GIT1: variants seen among roughly 807,000 people sequenced by gnomAD.
The protein encoded by GIT1 is ARF GTPase-activating protein GIT1.
A neutral mutation model predicts 91.7 loss-of-function variants in GIT1; 14 were observed. The ratio of observed to expected loss-of-function variants is 0.15; its 90% CI spans 0.10 to 0.24. The LOEUF is 0.24. GIT1 is among the 10% of genes least tolerant of loss of function. The pLI is 1.00. For missense variants in GIT1, 717 were observed against 1,024.9 expected (o/e 0.70, Z 4.10); for synonymous variants, 414 against 418.2 (o/e 0.99, Z 0.12).
chr17:29,576,582 C>G lies in GIT1; in HGVS notation c.1320G>C (p.Val440=). 1 of 1,614,104 alleles carries G rather than the reference C, an allele frequency of 6.2e-7. No homozygotes were observed. Among genetic ancestry groups the G allele is most frequent in the Non-Finnish European group, 8.5e-7 (1 of 1,180,024 alleles). The change falls in exon 13 of 20, where the codon GTG becomes GTC. Residue 440 remains valine (V), a synonymous_variant. Transcript: ENST00000225394. The part of the protein sequence containing the change: ...KKALATSEAK[V]QQLMKVNSSL... ...TACTGTTGACCTTCATGAGCTGCTGCACCTTTGCCTCCGATGTAGCCAGGG... is the reference window on the plus strand; with the variant it reads ...TACTGTTGACCTTCATGAGCTGCTGGACCTTTGCCTCCGATGTAGCCAGGG...
intron 14 of GIT1, 31 bp downstream of exon 14, chr17:29,576,189 C>A: frequency 6.2e-7 from 1 of 1,608,672 alleles, no homozygotes; most frequent in Non-Finnish European, 8.5e-7. Context: ...CCACCCATCT[C>A]CCCACACCTT....
At chr17:29,583,339 G>T in intron 2 of GIT1, 144 bp downstream of exon 2, 1 of 788,336 alleles carries the variant, frequency 1.3e-6, no homozygotes, top group Non-Finnish European at 2.0e-6. Flanking sequence ...GAAAGGGTCA[G>T]GATTAGCCTC....
At position 29,575,235 on chromosome 17, in the gene GIT1, C is replaced by A; in HGVS notation, c.2009+53G>T. The A allele has an allele frequency of 6.3e-7, 1 of 1,575,926 alleles. No homozygotes were observed. The highest frequency in any genetic ancestry group is 8.7e-7 in the Non-Finnish European group (1 of 1,155,252). On this transcript the variant is annotated intron_variant, in intron 18 of 19. Coordinates refer to ENST00000225394, the MANE Select transcript of GIT1 (RefSeq NM_014030.4). The surrounding 1 kb of genome is among the most constrained non-coding windows in gnomAD (Gnocchi z 5.5). ...AGGGCCCCTCATGCTCTCTGCAACA[C>A]CCTAGAAGCCAACAGGAACTGCATC...
At position 29,589,379 on chromosome 17, in the gene GIT1, C is replaced by A; in HGVS notation, c.-1G>T. 1 of 1,064,176 alleles carries A rather than the reference C, an allele frequency of 9.4e-7. No individual in the cohort carries two copies. Among genetic ancestry groups the A allele is most frequent in the South Asian group, 2.7e-5 (1 of 36,842 alleles). 65.9% of individuals were successfully genotyped at this position (1,064,176 alleles called of 1,614,324 possible). On this transcript the variant is annotated 5_prime_UTR_variant, in exon 1 of 20. Coordinates refer to ENST00000225394, the MANE Select transcript of GIT1 (RefSeq NM_014030.4). This position sits in a 1 kb window ranked among gnomAD's most constrained non-coding sequence, Gnocchi z 5.2. ...CCGCTCGCGGCCCCTTTCGGGACATCCTCAGCGGCGACGCGGCCGCAGCCC... is the reference window on the plus strand; with the variant it reads ...CCGCTCGCGGCCCCTTTCGGGACATACTCAGCGGCGACGCGGCCGCAGCCC...
Position 29,574,750 on chromosome 17 carries a change from C to T in GIT1, c.2238G>A (p.Lys746=). The T allele has an allele frequency of 1.2e-6, 2 of 1,613,648 alleles. No individual in the cohort carries two copies. The highest frequency in any genetic ancestry group is 1.7e-6 in the Non-Finnish European group (2 of 1,179,932). The change falls in exon 20 of 20, where the codon AAG becomes AAA. Residue 746 remains lysine (K), a synonymous_variant. Coordinates refer to ENST00000225394, the MANE Select transcript of GIT1 (RefSeq NM_014030.4). ...TGATGGTGACCAGCTGCTTGGCAGC[C>T]TTGGCGATGTCATAGGCGCACTGGA... ...QVIQCAYDIA[K]AAKQLVTITT...
At position 29,582,943 on chromosome 17, in the gene GIT1, T is replaced by A. The variant is rs755072826; in HGVS notation, c.281A>T (p.Asn94Ile). ...CACTCACTGGACTTTGTCTTGGGGG[T>A]TGGCTTTACGCCGGCCGCTCTGCAC... ...AQVQSGRRKA[N>I]PQDKVHPIKS... Residue 94 changes from asparagine to isoleucine, a missense_variant, in exon 3 of 20, where the codon AAC (asparagine) becomes ATC (isoleucine). Transcript: ENST00000225394. The A allele has an allele frequency of 6.2e-7, 1 of 1,610,762 alleles. No homozygotes were observed. The highest frequency in any genetic ancestry group is 1.1e-5 in the South Asian group (1 of 91,024).
intron 7 of GIT1, 31 bp from the exon 8 acceptor site, chr17:29,578,810 G>T: frequency 6.2e-7 from 1 of 1,609,642 alleles, no homozygotes; most frequent in Non-Finnish European, 8.5e-7. Context: ...GAATTGGGAG[G>T]AGAGGAGAGA....
chr17:29,575,950 G>A lies in GIT1; in HGVS notation c.1666-52C>T, dbSNP rs775139649. The A allele has an allele frequency of 1.9e-6, 3 of 1,548,102 alleles. No individual in the cohort carries two copies. In the East Asian group the frequency reaches 6.8e-5, roughly 35 times the overall value. On this transcript the variant is annotated intron_variant, in intron 15 of 19. Transcript: ENST00000225394. The surrounding 1 kb of genome is among the most constrained non-coding windows in gnomAD (Gnocchi z 5.5). ...AGTCAGTGTGCCCCACTGCCCCCCT[G>A]CTCACCAGCAGTGCAGCAGGGACCA...
chr17:29,582,154 G>C lies in GIT1; in HGVS notation c.406-10C>G, dbSNP rs2033419957. ...CGCTCGAGTGTAGTTGCTAAGAGGA[G>C]CAGAGTGTGCAGTGAATACGCATGT... On this transcript the variant is annotated splice_polypyrimidine_tract_variant and intron_variant, in intron 4 of 19. Coordinates refer to ENST00000225394, the MANE Select transcript of GIT1 (RefSeq NM_014030.4). 1.3e-6 allele frequency: 2 copies of C among 1,541,736 alleles called. No homozygotes were observed. The highest frequency in any genetic ancestry group is 1.9e-5 in the Admixed American group (1 of 52,362).
At position 29,581,528 on chromosome 17, in the gene GIT1, CTCGTGGGAGG is replaced by C; in HGVS notation, c.719-158_719-149del. The C allele has an allele frequency of 1.4e-6, 1 of 737,956 alleles. No individual in the cohort carries two copies. The highest frequency in any genetic ancestry group is 2.4e-6 in the Non-Finnish European group (1 of 420,442). 45.7% of individuals were successfully genotyped at this position (737,956 alleles called of 1,614,324 possible). A position where few individuals can be genotyped will look rare whatever the true frequency, so the allele number is the denominator to read the frequency against. The stretch of plus-strand genomic sequence containing the variant: ...AGGCCACCCCCAAGAATGCTGGGAG[CTCGTGGGAGG>C]ATGCAGGATGCCCACCCCCACTCCC... On this transcript the variant is annotated intron_variant, in intron 6 of 19. Transcript: ENST00000225394. The surrounding 1 kb of genome is among the most constrained non-coding windows in gnomAD (Gnocchi z 4.8).
chr17:29,583,750 G>T, intron 1 of GIT1, 134 bp from the exon 2 acceptor site: 3 of 1,009,046 alleles, frequency 3.0e-6, no homozygotes, highest in Non-Finnish European at 4.3e-6. Context: ...TAGGAGCTGG[G>T]ACCATCACTA....
intron 8 of GIT1, 93 bp from the exon 9 acceptor site, chr17:29,578,464 G>A: frequency 1.6e-6 from 2 of 1,213,602 alleles, no homozygotes; most frequent in Non-Finnish European, 2.5e-6. Flanking sequence ...TGGGGAACCG[G>A]TGGCCTTCCT....
At position 29,581,212 on chromosome 17, in the gene GIT1, G is replaced by A; in HGVS notation, c.761+126C>T. ...CATTAGGGACTGAGGACTAAGCTGT[G>A]CCTCTAGTCTCTGGGGGGAGGGAGC... On this transcript the variant is annotated intron_variant, in intron 7 of 19. Transcript: ENST00000225394. The surrounding 1 kb of genome is among the most constrained non-coding windows in gnomAD (Gnocchi z 4.8). The A allele has an allele frequency of 1.4e-6, 1 of 740,008 alleles. No individual in the cohort carries two copies. The highest frequency in any genetic ancestry group is 2.4e-6 in the Non-Finnish European group (1 of 409,100). 45.8% of individuals were successfully genotyped at this position (740,008 alleles called of 1,614,324 possible).
intron 4 of GIT1, 105 bp downstream of exon 4, chr17:29,582,593 G>A (rs2033439039): frequency 1.3e-6 from 1 of 770,904 alleles, no homozygotes; most frequent in Admixed American, 2.1e-5. Context: ...TGACCTGGCT[G>A]CCTTTGGGGC....
At chr17:29,586,360 T>C (rs1439831994) in intron 1 of GIT1, among the ~76,000 whole-genome samples, 1 of 152,166 alleles carries the variant, frequency 6.6e-6, no homozygotes, top group Non-Finnish European at 1.5e-5. Flanking sequence ...CTATCATTAG[T>C]GTTAGCGTAT....
chr17:29,578,159 TCA>T, intron 9 of GIT1, 138 bp downstream of exon 9: 1 of 726,840 alleles, frequency 1.4e-6, no homozygotes, highest in Non-Finnish European at 2.4e-6. Context: ...CCAGGCAGGC[TCA>T]CAGCCAGCAG....
intron 4 of GIT1, among the ~76,000 whole-genome samples, 175 bp from the exon 5 acceptor site, chr17:29,582,319 C>T (rs1450050114): frequency 2.6e-5 from 4 of 152,246 alleles, no homozygotes; most frequent in Non-Finnish European, 4.4e-5. Flanking sequence ...AATTAATAAA[C>T]GCTGCCGTCA....
chr17:29,589,303 C>T lies in GIT1; in HGVS notation c.52+24G>A. ...CGGCGGCGGCCTGGCTGTGCGGTCC[C>T]GCCCCCGGCCCCGCCGCGCTTACCC... is the stretch of plus-strand genomic sequence containing the variant. On this transcript the variant is annotated intron_variant, in intron 1 of 19. Transcript: ENST00000225394. This position sits in a 1 kb window ranked among gnomAD's most constrained non-coding sequence, Gnocchi z 5.2. 3 of 1,009,860 alleles carry T rather than the reference C, an allele frequency of 3.0e-6. No homozygotes were observed. The highest frequency in any genetic ancestry group is 3.5e-6 in the Non-Finnish European group (3 of 845,284). The allele number at this position is 1,009,860 out of a possible 1,614,324, so 62.6% of individuals were successfully genotyped here. A position where few individuals can be genotyped will look rare whatever the true frequency, so the allele number is the denominator to read the frequency against.
At chr17:29,584,854 A>C (rs1043680207) in intron 1 of GIT1, among the ~76,000 whole-genome samples, 18 of 151,876 alleles carry the variant, frequency 1.2e-4, no homozygotes, top group African/African-American at 4.4e-4. Context: ...AAAATTGAGG[A>C]GACTCTGAGT....
Sources: gnomAD v4.1 joint callset for allele counts (sites outside exome capture counted in the v4.1 genomes callset) on GRCh38, gnomAD v4.1.1 for gene constraint, Gnocchi (gnomAD v3.1) non-coding constraint, MANE v1.5 for transcripts, NCBI Gene and HGNC (gene_info 2026-07-23, HGNC 2026-07-21) for gene names.